The following NLGN1 variants were observed in gnomAD, a reference collection of about 807,000 sequenced individuals.
NLGN1 encodes neuroligin-1.
NLGN1 carries 12 observed loss-of-function variants against 65.5 expected under a neutral mutation model. The observed-to-expected ratio is 0.18, with a 90% CI of 0.12 to 0.30. NLGN1 has a LOEUF of 0.30. NLGN1 is among the 10% of genes least tolerant of loss of function. The probability of loss-of-function intolerance (pLI) is 1.00; values close to 1 mark genes in which losing one functional copy is unlikely to be tolerated. For missense variants in NLGN1, 750 were observed against 1,007.1 expected (o/e 0.74, Z 3.46); for synonymous variants, 350 against 359.5 (o/e 0.97, Z 0.30).
chr3:173,772,047 C>G (rs1247730106), intron 3 of NLGN1, among the ~76,000 whole-genome samples: 1 of 151,832 alleles, frequency 6.6e-6, no homozygotes, highest in African/African-American at 2.4e-5. Flanking sequence ...TGACCAGAGA[C>G]GGAACAAAAC....
intron 2 of NLGN1, among the ~76,000 whole-genome samples, chr3:173,550,617 A>T (rs1740669436): frequency 6.6e-6 from 1 of 151,918 alleles, no homozygotes; most frequent in African/African-American, 2.4e-5. Context: ...TAATGTTTAC[A>T]AACCACATTT....
chr3:173,684,920 T>A (rs988875202), intron 3 of NLGN1, among the ~76,000 whole-genome samples: 1 of 152,182 alleles, frequency 6.6e-6, no homozygotes, highest in Non-Finnish European at 1.5e-5. Context: ...TTGCTCTACT[T>A]CTGATAATTC....
At chr3:174,011,239 A>G (rs1725495522) in intron 4 of NLGN1, among the ~76,000 whole-genome samples, 1 of 152,144 alleles carries the variant, frequency 6.6e-6, no homozygotes, top group African/African-American at 2.4e-5. Context: ...TGTCCCACAC[A>G]ATTACTGCCC....
chr3:173,928,458 A>G (rs973800720), intron 4 of NLGN1, among the ~76,000 whole-genome samples: 4 of 152,192 alleles, frequency 2.6e-5, no homozygotes, highest in African/African-American at 7.2e-5. Flanking sequence ...TATTGGGATA[A>G]CTAAGATCTG....
At chr3:173,468,542 A>G (rs1429126675) in intron 2 of NLGN1, among the ~76,000 whole-genome samples, 1 of 152,102 alleles carries the variant, frequency 6.6e-6, no homozygotes, top group Non-Finnish European at 1.5e-5. Flanking sequence ...ACATTTTCAC[A>G]TCAATGTAGG....
intron 4 of NLGN1, among the ~76,000 whole-genome samples, chr3:173,866,469 C>A (rs1303619630): frequency 6.6e-6 from 1 of 152,070 alleles, no homozygotes; most frequent in Non-Finnish European, 1.5e-5. Context: ...AAAAAATAAA[C>A]GAATAAATGA....
At chr3:174,200,347 A>C (rs1403323954) in intron 4 of NLGN1, among the ~76,000 whole-genome samples, 2 of 152,218 alleles carry the variant, frequency 1.3e-5, no homozygotes, top group South Asian at 2.1e-4. Context: ...CTGTGTTCTC[A>C]ACTCTATAAC....
At chr3:173,745,339 C>A (rs1342956407) in intron 3 of NLGN1, among the ~76,000 whole-genome samples, 1 of 152,080 alleles carries the variant, frequency 6.6e-6, no homozygotes, top group Admixed American at 6.6e-5. Flanking sequence ...TGTTACCAGA[C>A]ATCATTTTTT....
chr3:173,565,160 A>G (rs1743431789), intron 2 of NLGN1, among the ~76,000 whole-genome samples: 1 of 152,212 alleles, frequency 6.6e-6, no homozygotes, highest in African/African-American at 2.4e-5. Context: ...GAGGAACATC[A>G]GAAGTCAGTT....
chr3:174,185,543 T>G (rs1731235218), intron 4 of NLGN1, among the ~76,000 whole-genome samples: 1 of 152,170 alleles, frequency 6.6e-6, no homozygotes, highest in Admixed American at 6.6e-5. Flanking sequence ...AAGGCAAGAA[T>G]GATGTATTAG....
At chr3:174,075,557 C>T (rs376478773) in intron 4 of NLGN1, among the ~76,000 whole-genome samples, 128 of 152,216 alleles carry the variant, frequency 8.4e-4, no homozygotes, top group African/African-American at 2.9e-3. Context: ...CCAGGAATTA[C>T]ACATTCTTAT....
intron 3 of NLGN1, among the ~76,000 whole-genome samples, chr3:173,779,811 C>A (rs1366689350): frequency 2.0e-5 from 3 of 152,016 alleles, no homozygotes; most frequent in African/African-American, 7.2e-5. Flanking sequence ...GGGTAACAGG[C>A]CTTAAAGATG....
intron 1 of NLGN1, among the ~76,000 whole-genome samples, chr3:173,420,070 T>A (rs1010744511): frequency 1.3e-5 from 2 of 151,642 alleles, no homozygotes; most frequent in African/African-American, 4.9e-5. Context: ...TTTTTCTTTT[T>A]TTTTTCATTA....
chr3:173,839,707 C>T (rs1326341019), intron 4 of NLGN1, among the ~76,000 whole-genome samples: 30 of 152,026 alleles, frequency 2.0e-4, no homozygotes, highest in Admixed American at 1.4e-3. Flanking sequence ...AGGCGTGAGC[C>T]GCTGCGCCCA....
Position 173,759,726 on chromosome 3 carries a change from G to A in NLGN1, c.494-47954G>A, listed in dbSNP as rs551805926. On this transcript the variant is annotated intron_variant, in intron 3 of 6. Coordinates refer to ENST00000457714, the Ensembl canonical transcript of NLGN1. ...GCCATTTTTATTTGTAGAATAGCTC[G>A]TATATTGTTTTTCTTTGGCCCAGTT... Among the ~76,000 whole-genome samples, 95 of 151,934 alleles carry A rather than the reference G, an allele frequency of 6.3e-4. 1 individual carries two copies. The highest frequency in any genetic ancestry group is 2.1e-3 in the African/African-American group (86 of 41,502).
In NLGN1 at chr3:174,265,782, T is replaced by TATATATATATAC. The variant is rs66906566; in HGVS notation, c.647-9533_647-9532insATATATATATAC. ...AGAAGGCTATATATATATATATATATGTATATATATATATATATAGCCAAA... is the reference window on the plus strand; with the variant it reads ...AGAAGGCTATATATATATATATATATATATATATATACGTATATATATATATATATAGCCAAA... On this transcript the variant is annotated intron_variant, in intron 4 of 6. Coordinates refer to ENST00000457714, the Ensembl canonical transcript of NLGN1. Among the ~76,000 whole-genome samples the TATATATATATAC allele has an allele frequency of 7.0e-3, 706 of 101,094 alleles. 13 individuals carry two copies. The highest frequency in any genetic ancestry group is 0.033 in the African/African-American group (665 of 19,948). 66.3% of individuals were successfully genotyped at this position (101,094 alleles called of 152,430 possible).
intron 4 of NLGN1, among the ~76,000 whole-genome samples, chr3:173,884,756 C>T (rs1012434221): frequency 3.3e-5 from 5 of 152,038 alleles, no homozygotes; most frequent in African/African-American, 9.7e-5. Flanking sequence ...ATAAAAAAAA[C>T]GCAGACTGGA....
chr3:173,769,717 G>T (rs1409148581), intron 3 of NLGN1, among the ~76,000 whole-genome samples: 1 of 152,210 alleles, frequency 6.6e-6, no homozygotes, highest in Non-Finnish European at 1.5e-5. Flanking sequence ...TGGAAACACA[G>T]AAGAGTATAA....
intron 4 of NLGN1, among the ~76,000 whole-genome samples, chr3:174,202,011 C>T (rs759013476): frequency 3.3e-5 from 5 of 152,004 alleles, no homozygotes; most frequent in Admixed American, 1.3e-4. Flanking sequence ...TTCCTCTCTT[C>T]CCATTTCTTC....
Sources: gnomAD v4.1 joint callset for allele counts (sites outside exome capture counted in the v4.1 genomes callset) on GRCh38, gnomAD v4.1.1 for gene constraint, MANE v1.5 for transcripts, NCBI Gene and HGNC (gene_info 2026-07-23, HGNC 2026-07-21) for gene names.